The following PSMB9 variants were observed in gnomAD, a reference collection of about 807,000 sequenced individuals.
PSMB9 encodes proteasome 20S subunit beta 9, also known as proteasome subunit beta type-9.
A neutral mutation model predicts 26.9 loss-of-function variants in PSMB9; 16 were observed. The ratio of observed to expected loss-of-function variants is 0.59; its 90% CI spans 0.40 to 0.90. PSMB9 has a LOEUF of 0.90. PSMB9 is among the 40% of genes least tolerant of loss of function. The pLI, the probability that PSMB9 is intolerant of heterozygous loss-of-function variation, is 0.00. For missense variants in PSMB9, 253 were observed against 292.2 expected (o/e 0.87, Z 0.98); for synonymous variants, 91 against 112.0 (o/e 0.81, Z 1.18).
Position 32,858,122 on chromosome 6 carries a change from T to A in PSMB9, c.378T>A (p.Arg126=), listed in dbSNP as rs372201131. The change falls in exon 4 of 6, where the codon CGT becomes CGA. Residue 126 remains arginine, a synonymous_variant. Coordinates refer to ENST00000374859, the MANE Select transcript of PSMB9 (RefSeq NM_002800.5). This position sits in a 1 kb window ranked among gnomAD's most constrained non-coding sequence, Gnocchi z 5.2. ...TCATGGTAGCTGGCTGGGACCAACGTGAAGGAGGTCAGGTGAGTTTCTCCC... is the reference window on the plus strand; with the variant it reads ...TCATGGTAGCTGGCTGGGACCAACGAGAAGGAGGTCAGGTGAGTTTCTCCC... The part of the protein sequence containing the change: ...AHLMVAGWDQ[R]EGGQVYGTLG... 4.1e-5 allele frequency: 66 copies of A among 1,612,930 alleles called. No homozygotes were observed. The highest frequency in any genetic ancestry group is 1.5e-4 in the Admixed American group (9 of 60,008).
At position 32,854,627 on chromosome 6, in the gene PSMB9, T is replaced by G. The variant is rs1771066973; in HGVS notation, c.60+338T>G. Among the ~76,000 whole-genome samples the G allele has an allele frequency of 6.7e-6, 1 of 149,480 alleles. No homozygotes were observed. Among genetic ancestry groups the G allele is most frequent in the African/African-American group, 2.5e-5 (1 of 40,420 alleles). On this transcript the variant is annotated intron_variant, in intron 1 of 5. Coordinates refer to ENST00000374859, the MANE Select transcript of PSMB9 (RefSeq NM_002800.5). This position sits in a 1 kb window ranked among gnomAD's most constrained non-coding sequence, Gnocchi z 4.6. ...GGGCTGGTTAAATCAAGAAAGGGGGTTGGGGATGGTGCAAAGAGATGAGGA... is the reference window on the plus strand; with the variant it reads ...GGGCTGGTTAAATCAAGAAAGGGGGGTGGGGATGGTGCAAAGAGATGAGGA...
Position 32,859,590 on chromosome 6 carries a change from G to A in PSMB9, c.*58G>A. 1 of 1,458,826 alleles carries A rather than the reference G, an allele frequency of 6.9e-7. No individual in the cohort carries two copies. The highest frequency in any genetic ancestry group is 9.5e-7 in the Non-Finnish European group (1 of 1,053,514). 90.4% of individuals were successfully genotyped at this position (1,458,826 alleles called of 1,614,324 possible). A position where few individuals can be genotyped will look rare whatever the true frequency, so the allele number is the denominator to read the frequency against. On this transcript the variant is annotated 3_prime_UTR_variant, in exon 6 of 6. Transcript: ENST00000374859. ...ATAAACTCTCTAGGGCCAAAACCTGGTATGGTCATTGGGAAATGAGTGCTC... is the reference window on the plus strand; with the variant it reads ...ATAAACTCTCTAGGGCCAAAACCTGATATGGTCATTGGGAAATGAGTGCTC...
chr6:32,859,037 G>C (rs1304233633), intron 5 of PSMB9: 1 of 190,948 alleles, frequency 5.2e-6, no homozygotes, highest in Non-Finnish European at 1.0e-5. Context: ...AGGTGACAGA[G>C]AGAGACCCTG....
At chr6:32,857,788 G>C (rs1480401083) in intron 3 of PSMB9, 1 of 597,080 alleles carries the variant, frequency 1.7e-6, no homozygotes, top group East Asian at 2.9e-5. Flanking sequence ...CCAAAAGAAA[G>C]TTATGTGGGT....
rs1333149288 is a variant in PSMB9 at position 32,858,967 on chromosome 6, A to G, written c.533-438A>G. On this transcript the variant is annotated intron_variant, in intron 5 of 5. Coordinates refer to ENST00000374859, the MANE Select transcript of PSMB9 (RefSeq NM_002800.5). The surrounding 1 kb of genome is among the most constrained non-coding windows in gnomAD (Gnocchi z 5.2). The stretch of plus-strand genomic sequence containing the variant: ...CTCAGGAGGCTGAGGTGGAAAGATC[A>G]TCTGAGCCGGGGAGATCAAGGCTGT... 4.0e-6 allele frequency: 1 copy of G among 249,596 alleles called. No individual in the cohort carries two copies. The highest frequency in any genetic ancestry group is 2.3e-5 in the African/African-American group (1 of 43,940). 15.5% of individuals were successfully genotyped at this position (249,596 alleles called of 1,614,324 possible).
rs1326983270 is a variant in PSMB9 at position 32,859,726 on chromosome 6, C to T, written c.*194C>T. 1.3e-5 allele frequency: 8 copies of T among 607,592 alleles called. No homozygotes were observed. In the Admixed American group the frequency reaches 1.7e-4, roughly 13 times the overall value. The allele number at this position is 607,592 out of a possible 1,614,324, so 37.6% of individuals were successfully genotyped here. ...TCTTTCCTAGAGAAAACAAAAGGGA[C>T]TAAACTAGAAATATAAAGAGCCCTA... On this transcript the variant is annotated 3_prime_UTR_variant, in exon 6 of 6. Transcript: ENST00000374859.
chr6:32,855,549 C>T (rs1771116961), intron 1 of PSMB9, among the ~76,000 whole-genome samples: 2 of 152,096 alleles, frequency 1.3e-5, no homozygotes, highest in Admixed American at 1.3e-4. Flanking sequence ...TATTTTCAAC[C>T]ATCTGTATGT....
At position 32,857,362 on chromosome 6, in the gene PSMB9, C is replaced by T. The variant is rs776219921; in HGVS notation, c.228C>T (p.Ala76=). Residue 76 remains alanine (A), a synonymous_variant, in exon 3 of 6, where the codon GCC becomes GCT. Coordinates refer to ENST00000374859, the MANE Select transcript of PSMB9 (RefSeq NM_002800.5). The part of the protein sequence containing the change: ...SGSAADAQAV[A]DMAAYQLELH... ...CAGCTGCTGATGCCCAAGCCGTGGC[C>T]GACATGGCCGCCTACCAGCTGGAGC... 1.7e-5 allele frequency: 27 copies of T among 1,612,484 alleles called. No homozygotes were observed. Among genetic ancestry groups the T allele is most frequent in the African/African-American group, 4.0e-5 (3 of 74,866 alleles).
chr6:32,859,639 T>A lies in PSMB9; in HGVS notation c.*107T>A. On this transcript the variant is annotated 3_prime_UTR_variant, in exon 6 of 6. Coordinates refer to ENST00000374859, the MANE Select transcript of PSMB9 (RefSeq NM_002800.5). ...TCAGGGAGATGGAGCTTAGGGGAGG[T>A]GGGTGCTTCCCTCCTAGATGTCAGC... 1.5e-6 allele frequency: 2 copies of A among 1,319,046 alleles called. No individual in the cohort carries two copies. The highest frequency in any genetic ancestry group is 2.1e-6 in the Non-Finnish European group (2 of 956,088). 81.7% of individuals were successfully genotyped at this position (1,319,046 alleles called of 1,614,324 possible). A position where few individuals can be genotyped will look rare whatever the true frequency, so the allele number is the denominator to read the frequency against.
chr6:32,859,466 TAC>T lies in PSMB9; in HGVS notation c.596_597del (p.Thr199SerfsTer13). The T allele has an allele frequency of 6.2e-7, 1 of 1,613,800 alleles. No homozygotes were observed. The highest frequency in any genetic ancestry group is 8.5e-7 in the Non-Finnish European group (1 of 1,179,944). On this transcript the variant is annotated frameshift_variant, in exon 6 of 6. Transcript: ENST00000374859. LOFTEE classifies it high-confidence loss of function. ...GGGGTGTCATCTACCTGGTCACTAT[TAC>T]AGCTGCCGGTGTGGACCATCGAGTC... ...SGGVIYLVTI[T>X]AAGVDHRVIL... is the part of the protein sequence containing the mutation.
Position 32,854,192 on chromosome 6 carries a change from A to T in PSMB9, c.-38A>T. 1 of 1,543,642 alleles carries T rather than the reference A, an allele frequency of 6.5e-7. No individual in the cohort carries two copies. The highest frequency in any genetic ancestry group is 8.7e-7 in the Non-Finnish European group (1 of 1,144,700). ...TGTGCGCTGTCCCAGGTTGGAAACCAGTGCCCCAGGCGGCGAGGAGAGCGG... is the reference window on the plus strand; with the variant it reads ...TGTGCGCTGTCCCAGGTTGGAAACCTGTGCCCCAGGCGGCGAGGAGAGCGG... On this transcript the variant is annotated 5_prime_UTR_variant, in exon 1 of 6. Transcript: ENST00000374859. The surrounding 1 kb of genome is among the most constrained non-coding windows in gnomAD (Gnocchi z 4.6).
At position 32,859,746 on chromosome 6, in the gene PSMB9, G is replaced by A. The variant is rs1771374769; in HGVS notation, c.*214G>A. Among the ~76,000 whole-genome samples, 1 of 152,170 alleles carries A rather than the reference G, an allele frequency of 6.6e-6. No individual in the cohort carries two copies. The highest frequency in any genetic ancestry group is 2.1e-4 in the South Asian group (1 of 4,818). On this transcript the variant is annotated 3_prime_UTR_variant, in exon 6 of 6. Transcript: ENST00000374859. ...AGGGACTAAACTAGAAATATAAAGA[G>A]CCCTATACATGACAGGTGATCACGT...
Position 32,858,420 on chromosome 6 carries a change from C to A in PSMB9, c.447C>A (p.Ser149=). ...GACAGCCTTTTGCCATTGGTGGCTC[C>A]GGCAGCACCTTTATCTATGGTTATG... ...LTRQPFAIGG[S]GSTFIYGYVD... is the part of the protein sequence containing the mutation. Residue 149 remains serine, a synonymous_variant, in exon 5 of 6, where the codon TCC becomes TCA. Transcript: ENST00000374859. The surrounding 1 kb of genome is among the most constrained non-coding windows in gnomAD (Gnocchi z 5.2). The A allele has an allele frequency of 6.2e-7, 1 of 1,612,964 alleles. No homozygotes were observed. Among genetic ancestry groups the A allele is most frequent in the African/African-American group, 1.3e-5 (1 of 75,008 alleles).
In PSMB9 at chr6:32,858,908, T is replaced by C. The variant is rs1176898944; in HGVS notation, c.532+403T>C. ...AAAAAAAGTAAAAAAAAAAATGAACTGGGCATAGTGGTGCACACCTGTAGT... is the reference window on the plus strand; with the variant it reads ...AAAAAAAGTAAAAAAAAAAATGAACCGGGCATAGTGGTGCACACCTGTAGT... On this transcript the variant is annotated intron_variant, in intron 5 of 5. Transcript: ENST00000374859. This position sits in a 1 kb window ranked among gnomAD's most constrained non-coding sequence, Gnocchi z 5.2. 8 of 316,106 alleles carry C rather than the reference T, an allele frequency of 2.5e-5. No individual in the cohort carries two copies. The highest frequency in any genetic ancestry group is 4.8e-5 in the Non-Finnish European group (8 of 165,122). The allele number at this position is 316,106 out of a possible 1,614,324, so 19.6% of individuals were successfully genotyped here.
In PSMB9 at chr6:32,858,139, G is replaced by A; in HGVS notation, c.390+5G>A. On this transcript the variant is annotated splice_donor_5th_base_variant and intron_variant, in intron 4 of 5. Transcript: ENST00000374859. The surrounding 1 kb of genome is among the most constrained non-coding windows in gnomAD (Gnocchi z 5.2). Reference sequence around the variant, plus strand: ...GACCAACGTGAAGGAGGTCAGGTGAGTTTCTCCCAAAGCACTCTCTCCTCT... The same window carrying A: ...GACCAACGTGAAGGAGGTCAGGTGAATTTCTCCCAAAGCACTCTCTCCTCT... 1 of 1,613,016 alleles carries A rather than the reference G, an allele frequency of 6.2e-7. No individual in the cohort carries two copies. The highest frequency in any genetic ancestry group is 8.5e-7 in the Non-Finnish European group (1 of 1,179,984).
In PSMB9 at chr6:32,854,438, G is replaced by C; in HGVS notation, c.60+149G>C. ...GCAGCCAGCGCTTGCAACCCGCAAT[G>C]AGCATAGAGTATTTCTTTTCTGAGG... is the stretch of plus-strand genomic sequence containing the variant. On this transcript the variant is annotated intron_variant, in intron 1 of 5. Transcript: ENST00000374859. The surrounding 1 kb of genome is among the most constrained non-coding windows in gnomAD (Gnocchi z 4.6). 1.4e-6 allele frequency: 1 copy of C among 694,272 alleles called. No homozygotes were observed. Among genetic ancestry groups the C allele is most frequent in the South Asian group, 2.0e-5 (1 of 49,668 alleles). The allele number at this position is 694,272 out of a possible 1,614,324, so 43.0% of individuals were successfully genotyped here. A position where few individuals can be genotyped will look rare whatever the true frequency, so the allele number is the denominator to read the frequency against.
Position 32,858,909 on chromosome 6 carries a change from G to T in PSMB9, c.532+404G>T. 1 of 322,768 alleles carries T rather than the reference G, an allele frequency of 3.1e-6. No individual in the cohort carries two copies. Among genetic ancestry groups the T allele is most frequent in the Non-Finnish European group, 5.9e-6 (1 of 169,172 alleles). 20.0% of individuals were successfully genotyped at this position (322,768 alleles called of 1,614,324 possible). A position where few individuals can be genotyped will look rare whatever the true frequency, so the allele number is the denominator to read the frequency against. ...AAAAAAGTAAAAAAAAAAATGAACT[G>T]GGCATAGTGGTGCACACCTGTAGTC... On this transcript the variant is annotated intron_variant, in intron 5 of 5. Transcript: ENST00000374859. This position sits in a 1 kb window ranked among gnomAD's most constrained non-coding sequence, Gnocchi z 5.2.
In PSMB9 at chr6:32,856,181, G is replaced by A; in HGVS notation, c.104G>A (p.Gly35Asp). 6.2e-7 allele frequency: 1 copy of A among 1,613,004 alleles called. No homozygotes were observed. Among genetic ancestry groups the A allele is most frequent in the Non-Finnish European group, 8.5e-7 (1 of 1,179,980 alleles). ...GAGTTTGACGGGGGCGTTGTGATGG[G>A]TTCTGATTCCCGAGTGTCTGCAGGG... ...AVEFDGGVVM[G>D]SDSRVSAGEA... Residue 35 changes from glycine (G) to aspartate (D), a missense_variant, in exon 2 of 6, where the codon GGT (glycine) becomes GAT (aspartate). Transcript: ENST00000374859.
At chr6:32,857,869 T>C in intron 3 of PSMB9, 136 bp from the exon 4 acceptor site, 1 of 986,212 alleles carries the variant, frequency 1.0e-6, no homozygotes, top group Non-Finnish European at 1.5e-6. Flanking sequence ...GGTTCCCCTG[T>C]ACATGTGGGA....
Sources: allele counts gnomAD v4.1 joint callset (sites outside exome capture counted in the v4.1 genomes callset), GRCh38; gene constraint gnomAD v4.1.1; non-coding constraint Gnocchi (gnomAD v3.1); transcripts MANE v1.5; gene names NCBI Gene and HGNC (gene_info 2026-07-23, HGNC 2026-07-21).